RPS6KA5: variants seen among roughly 807,000 people sequenced by gnomAD.
RPS6KA5 encodes ribosomal protein S6 kinase A5.
Under a neutral mutation model 85.5 loss-of-function variants are expected in RPS6KA5, and 27 were observed. The ratio of observed to expected loss-of-function variants is 0.32; its 90% confidence interval spans 0.23 to 0.44. The LOEUF is 0.44. Ranked by LOEUF, RPS6KA5 falls within the 20% of genes least tolerant of loss-of-function variation. The probability of loss-of-function intolerance (pLI) is 1.00; values close to 1 mark genes in which losing one functional copy is unlikely to be tolerated. For missense variants in RPS6KA5, 811 were observed against 980.9 expected (o/e 0.83, Z 2.31); for synonymous variants, 334 against 348.2 (o/e 0.96, Z 0.46).
chr14:91,009,931 T>A (rs2041186178), intron 1 of RPS6KA5, among the ~76,000 whole-genome samples: 6 of 151,720 alleles, frequency 4.0e-5, no homozygotes, highest in Admixed American at 3.9e-4. Context: ...ATGTATGAAA[T>A]TCAAAGAAAG....
At chr14:90,879,054 A>G (rs1405392416) in intron 14 of RPS6KA5, among the ~76,000 whole-genome samples, 1 of 152,118 alleles carries the variant, frequency 6.6e-6, no homozygotes, top group Admixed American at 6.5e-5. Context: ...GCAGGTAACT[A>G]TTTTCCAAAT....
chr14:90,925,305 C>T (rs553096991), intron 5 of RPS6KA5, among the ~76,000 whole-genome samples: 80 of 152,282 alleles, frequency 5.3e-4, no homozygotes, highest in African/African-American at 1.8e-3. Context: ...GCTAGAATTA[C>T]CACTCTTATA....
At chr14:91,008,611 C>G (rs1054714675) in intron 1 of RPS6KA5, among the ~76,000 whole-genome samples, 4 of 152,146 alleles carry the variant, frequency 2.6e-5, no homozygotes, top group South Asian at 2.1e-4. Flanking sequence ...ACTGGAAGAA[C>G]AGCTGGGGCA....
At position 90,945,733 on chromosome 14, in the gene RPS6KA5, G is replaced by A. The variant is rs76033998; in HGVS notation, c.510+1702C>T. Among the ~76,000 whole-genome samples, 808 of 152,152 alleles carry A rather than the reference G, an allele frequency of 5.3e-3. 8 individuals carry two copies. The highest frequency in any genetic ancestry group is 0.019 in the African/African-American group (778 of 41,484). ...CACATAAATTAAAAACCGGATTTTC[G>A]GACAAGCACAGTGGCTCATGCCTGT... On this transcript the variant is annotated intron_variant, in intron 4 of 16. Transcript: ENST00000614987.
chr14:91,049,856 T>G (rs2043003538), intron 1 of RPS6KA5, among the ~76,000 whole-genome samples: 1 of 152,214 alleles, frequency 6.6e-6, no homozygotes, highest in African/African-American at 2.4e-5. Flanking sequence ...CTGTACAGCA[T>G]GCTACTGTAC....
chr14:90,893,358 G>T (rs1326146855), intron 13 of RPS6KA5, among the ~76,000 whole-genome samples: 1 of 152,182 alleles, frequency 6.6e-6, no homozygotes, highest in Non-Finnish European at 1.5e-5. Context: ...TACTAGTACT[G>T]TGAATAATGG....
intron 11 of RPS6KA5, among the ~76,000 whole-genome samples, chr14:90,899,876 T>C (rs1178831576): frequency 2.6e-5 from 4 of 152,196 alleles, no homozygotes; most frequent in South Asian, 4.1e-4. Flanking sequence ...ACGTTTTCTC[T>C]AGATAAACTC....
chr14:90,910,461 A>G (rs2035742578), intron 7 of RPS6KA5, among the ~76,000 whole-genome samples: 1 of 152,024 alleles, frequency 6.6e-6, no homozygotes, highest in African/African-American at 2.4e-5. Flanking sequence ...TTCATGGTAG[A>G]ATTTAGGTAG....
At chr14:90,921,596 T>C (rs1566743208) in intron 6 of RPS6KA5, among the ~76,000 whole-genome samples, 1 of 152,184 alleles carries the variant, frequency 6.6e-6, no homozygotes, top group Non-Finnish European at 1.5e-5. Context: ...ATACAAGCAG[T>C]TTGACTGCCA....
At chr14:90,974,405 A>C (rs1032290774) in intron 3 of RPS6KA5, among the ~76,000 whole-genome samples, 2 of 152,232 alleles carry the variant, frequency 1.3e-5, no homozygotes, top group African/African-American at 4.8e-5. Context: ...ATTATGTTAC[A>C]ATTAGTAAAA....
intron 3 of RPS6KA5, among the ~76,000 whole-genome samples, chr14:90,952,220 G>A (rs1183711328): frequency 2.0e-5 from 3 of 152,148 alleles, no homozygotes; most frequent in Non-Finnish European, 2.9e-5. Flanking sequence ...TGCTATTAGT[G>A]GGAAATATCA....
intron 2 of RPS6KA5, among the ~76,000 whole-genome samples, chr14:90,998,499 T>C (rs1429084956): frequency 6.6e-6 from 1 of 152,160 alleles, no homozygotes; most frequent in Non-Finnish European, 1.5e-5. Flanking sequence ...TGACCAGATG[T>C]CACAAAGCAC....
intron 7 of RPS6KA5, among the ~76,000 whole-genome samples, chr14:90,909,703 A>G (rs2035695579): frequency 6.6e-6 from 1 of 152,240 alleles, no homozygotes; most frequent in South Asian, 2.1e-4. Flanking sequence ...TGTTAAAGTG[A>G]GGTGCTAGCA....
At chr14:91,016,722 G>A (rs558604715) in intron 1 of RPS6KA5, among the ~76,000 whole-genome samples, 77 of 152,152 alleles carry the variant, frequency 5.1e-4, no homozygotes, top group Non-Finnish European at 9.3e-4. Flanking sequence ...AAGGAAAAAC[G>A]ACCAGACATC....
At chr14:91,045,266 T>C (rs1245192197) in intron 1 of RPS6KA5, among the ~76,000 whole-genome samples, 2 of 151,100 alleles carry the variant, frequency 1.3e-5, no homozygotes, top group Admixed American at 6.6e-5. Context: ...GATTCTTTTT[T>C]TTTTTTTTTT....
chr14:90,870,947 A>G lies in RPS6KA5; in HGVS notation c.*1127T>C, dbSNP rs1330222298. 1.3e-5 allele frequency: 2 copies of G among 152,378 alleles called. No individual in the cohort carries two copies. The highest frequency in any genetic ancestry group is 2.1e-4 in the South Asian group (1 of 4,824). 9.4% of individuals were successfully genotyped at this position (152,378 alleles called of 1,614,324 possible). ...CTTTTGAGCAATAAAAGTGCTCTGC[A>G]TAAGTTTATAAAATATGCTTTCTGG... On this transcript the variant is annotated 3_prime_UTR_variant, in exon 17 of 17. Coordinates refer to ENST00000614987, the MANE Select transcript of RPS6KA5 (RefSeq NM_004755.4).
At chr14:91,028,293 C>A (rs1174289551) in intron 1 of RPS6KA5, among the ~76,000 whole-genome samples, 1 of 152,092 alleles carries the variant, frequency 6.6e-6, no homozygotes, top group African/African-American at 2.4e-5. Context: ...TCAGGGCTCA[C>A]TGCCACCTCG....
Position 90,857,059 on chromosome 14 carries a change from G to A in RPS6KA5, c.*15015C>T, listed in dbSNP as rs910804010. 1 of 152,216 alleles carries A rather than the reference G, an allele frequency of 6.6e-6. No homozygotes were observed. The highest frequency in any genetic ancestry group is 2.1e-4 in the South Asian group (1 of 4,836). 9.4% of individuals were successfully genotyped at this position (152,216 alleles called of 1,614,324 possible). ...CCCAGTGCAGCCTAGTTTCTATGGA[G>A]CTACCATATATGACAGTGTCCTATT... On this transcript the variant is annotated 3_prime_UTR_variant, in exon 17 of 17. Transcript: ENST00000614987.
At chr14:91,004,560 T>A (rs1271455290) in intron 1 of RPS6KA5, among the ~76,000 whole-genome samples, 5 of 152,342 alleles carry the variant, frequency 3.3e-5, no homozygotes, top group African/African-American at 1.2e-4. Flanking sequence ...AACGTATTTT[T>A]AAATTTTACT....
Sources: allele counts gnomAD v4.1 joint callset (sites outside exome capture counted in the v4.1 genomes callset), GRCh38; gene constraint gnomAD v4.1.1; transcripts MANE v1.5; gene names NCBI Gene and HGNC (gene_info 2026-07-23, HGNC 2026-07-21).